RALYL: variants seen among roughly 807,000 people sequenced by gnomAD.
RALYL encodes RNA-binding Raly-like protein.
A neutral mutation model predicts 35.1 loss-of-function variants in RALYL; 29 were observed. The observed-to-expected ratio is 0.83, with a 90% CI of 0.61 to 1.13. The LOEUF (loss-of-function observed/expected upper bound fraction) is 1.13, where lower values mean the gene tolerates loss of function less well. Ranked by LOEUF, RALYL falls within the 50% of genes most tolerant of loss-of-function variation. The pLI is 0.00. For missense variants in RALYL, 359 were observed against 360.4 expected (o/e 1.00, Z 0.03); for synonymous variants, 120 against 127.6 (o/e 0.94, Z 0.40).
At chr8:84,772,108 CT>C (rs994944248) in intron 2 of RALYL, among the ~76,000 whole-genome samples, 2 of 151,894 alleles carry the variant, frequency 1.3e-5, no homozygotes, top group Admixed American at 1.3e-4. Context: ...AAGAATCAGT[CT>C]TTCCCTCACT....
At chr8:84,378,009 G>A (rs925383815) in intron 1 of RALYL, among the ~76,000 whole-genome samples, 1 of 151,888 alleles carries the variant, frequency 6.6e-6, no homozygotes, top group African/African-American at 2.4e-5. Context: ...TAGCGCTCTT[G>A]AAGTCATGTT....
At chr8:84,667,194 G>A (rs1300337716) in intron 2 of RALYL, among the ~76,000 whole-genome samples, 2 of 149,800 alleles carry the variant, frequency 1.3e-5, no homozygotes. Flanking sequence ...TTTTCTCCTT[G>A]CCTCTTGTAT....
chr8:84,419,934 C>G (rs1339475203), intron 1 of RALYL, among the ~76,000 whole-genome samples: 2 of 151,298 alleles, frequency 1.3e-5, no homozygotes, highest in African/African-American at 4.9e-5. Flanking sequence ...TTTTCTTAAT[C>G]CAGTCTATCA....
At chr8:84,308,697 T>C (rs1028645717) in intron 1 of RALYL, among the ~76,000 whole-genome samples, 4 of 152,204 alleles carry the variant, frequency 2.6e-5, no homozygotes, top group Non-Finnish European at 5.9e-5. Flanking sequence ...ATAAAATGTG[T>C]ATTTTTAAAT....
At chr8:84,781,088 C>T (rs867008914) in intron 3 of RALYL, among the ~76,000 whole-genome samples, 3 of 152,230 alleles carry the variant, frequency 2.0e-5, no homozygotes, top group Middle Eastern at 3.4e-3. Flanking sequence ...GTCTCAAACT[C>T]CCAAGCTTAA....
intron 8 of RALYL, among the ~76,000 whole-genome samples, chr8:84,894,678 A>C (rs1844436825): frequency 6.6e-6 from 1 of 152,204 alleles, no homozygotes; most frequent in African/African-American, 2.4e-5. Context: ...AGAAAGTGTA[A>C]TAAGCAGGTA....
chr8:84,722,619 A>T (rs978199031), intron 2 of RALYL, among the ~76,000 whole-genome samples: 18 of 125,884 alleles, frequency 1.4e-4, no homozygotes, highest in Admixed American at 7.9e-4. Flanking sequence ...GAGTGATTTT[A>T]TATATATATA....
intron 2 of RALYL, among the ~76,000 whole-genome samples, chr8:84,732,948 A>G (rs2132888910): frequency 6.6e-6 from 1 of 151,970 alleles, no homozygotes; most frequent in East Asian, 1.9e-4. Context: ...TACCCACCTC[A>G]GCCTCCCAAA....
chr8:84,605,793 T>C (rs1816994462), intron 2 of RALYL, among the ~76,000 whole-genome samples: 1 of 152,078 alleles, frequency 6.6e-6, no homozygotes, highest in South Asian at 2.1e-4. Flanking sequence ...GCACACCATT[T>C]ACATACTGGG....
chr8:84,207,030 G>C (rs1293086330), intron 1 of RALYL, among the ~76,000 whole-genome samples: 1 of 152,122 alleles, frequency 6.6e-6, no homozygotes, highest in Non-Finnish European at 1.5e-5. Context: ...GTGCTGGCCA[G>C]AGTGTGGAGA....
intron 2 of RALYL, among the ~76,000 whole-genome samples, chr8:84,561,911 G>C (rs1374074038): frequency 6.6e-6 from 1 of 151,952 alleles, no homozygotes; most frequent in Non-Finnish European, 1.5e-5. Context: ...TTGACCTCCA[G>C]GTACTTTGAA....
At position 84,862,256 on chromosome 8, in the gene RALYL, G is replaced by T. The variant is rs373583118; in HGVS notation, c.414-40G>T. The T allele has an allele frequency of 1.3e-4, 181 of 1,407,604 alleles. 1 individual carries two copies. Among genetic ancestry groups the T allele is most frequent in the Non-Finnish European group, 1.6e-4 (168 of 1,068,126 alleles). 87.2% of individuals were successfully genotyped at this position (1,407,604 alleles called of 1,614,324 possible). ...TTCACATATTTGATAGAACTCTCGG[G>T]CATCAAACCAACTCTCAGTCCCATT... On this transcript the variant is annotated intron_variant, in intron 5 of 8. Coordinates refer to ENST00000521268, the MANE Select transcript of RALYL (RefSeq NM_173848.7).
At chr8:84,533,660 A>G (rs2059413607) in intron 2 of RALYL, among the ~76,000 whole-genome samples, 1 of 152,200 alleles carries the variant, frequency 6.6e-6, no homozygotes, top group Non-Finnish European at 1.5e-5. Flanking sequence ...CTTAAGAAGC[A>G]AAGTGTGCTT....
intron 1 of RALYL, among the ~76,000 whole-genome samples, chr8:84,418,379 C>T (rs991798609): frequency 2.0e-5 from 3 of 152,044 alleles, no homozygotes; most frequent in African/African-American, 7.2e-5. Flanking sequence ...ATATTAGGTA[C>T]TCAGTGAATG....
chr8:84,292,752 A>T (rs1839004172), intron 1 of RALYL, among the ~76,000 whole-genome samples: 1 of 152,210 alleles, frequency 6.6e-6, no homozygotes, highest in African/African-American at 2.4e-5. Flanking sequence ...AAGGGGAGAC[A>T]TGAATAATCC....
intron 2 of RALYL, among the ~76,000 whole-genome samples, chr8:84,604,760 C>G (rs1035333606): frequency 1.3e-5 from 2 of 152,042 alleles, no homozygotes; most frequent in African/African-American, 4.8e-5. Context: ...GATTTGTTAC[C>G]AAGAGAAACT....
intron 1 of RALYL, among the ~76,000 whole-genome samples, chr8:84,186,762 T>C (rs548420283): frequency 6.6e-6 from 1 of 152,326 alleles, no homozygotes; most frequent in African/African-American, 2.4e-5. Flanking sequence ...TATTTAAGAT[T>C]CATTTTTAAT....
chr8:84,731,168 G>A (rs1054132080), intron 2 of RALYL, among the ~76,000 whole-genome samples: 6 of 151,916 alleles, frequency 3.9e-5, no homozygotes, highest in Non-Finnish European at 5.9e-5. Context: ...CTAATCTATC[G>A]AATGGGAACT....
intron 2 of RALYL, among the ~76,000 whole-genome samples, chr8:84,660,545 TAG>T (rs1484998998): frequency 3.3e-5 from 5 of 151,978 alleles, no homozygotes; most frequent in Non-Finnish European, 5.9e-5. Context: ...AATCATTTCA[TAG>T]AGTTTATATT....
Sources: allele counts gnomAD v4.1 joint callset (sites outside exome capture counted in the v4.1 genomes callset), GRCh38; gene constraint gnomAD v4.1.1; transcripts MANE v1.5; gene names NCBI Gene and HGNC (gene_info 2026-07-23, HGNC 2026-07-21).